RNF220: variants seen among roughly 807,000 people sequenced by gnomAD.
RNF220 encodes the protein E3 ubiquitin-protein ligase RNF220.
A neutral mutation model predicts 67.1 loss-of-function variants in RNF220; 7 were observed. The observed-to-expected ratio is 0.10, with a 90% CI of 0.06 to 0.20. RNF220 has a LOEUF of 0.20. Ranked by LOEUF, RNF220 falls within the 10% of genes least tolerant of loss-of-function variation. RNF220 has a pLI of 1.00. For synonymous variants in RNF220, 270 were observed against 283.2 expected (o/e 0.95, Z 0.47); for missense variants, 565 against 740.3 (o/e 0.76, Z 2.75).
At chr1:44,457,304 A>G (rs1483735902) in intron 2 of RNF220, among the ~76,000 whole-genome samples, 2 of 152,216 alleles carry the variant, frequency 1.3e-5, no homozygotes, top group African/African-American at 4.8e-5. Flanking sequence ...TATATATTAT[A>G]GAAATATATT....
chr1:44,512,712 G>A (rs751021235), intron 2 of RNF220, among the ~76,000 whole-genome samples: 2 of 152,202 alleles, frequency 1.3e-5, no homozygotes, highest in African/African-American at 2.4e-5. Context: ...CGACGGAGGC[G>A]GCAGGAGTGG....
chr1:44,618,377 A>G (rs1031305951), intron 3 of RNF220, among the ~76,000 whole-genome samples: 1 of 152,252 alleles, frequency 6.6e-6, no homozygotes, highest in Non-Finnish European at 1.5e-5. Flanking sequence ...TCCCACAGGT[A>G]CATGGGTGCA....
At chr1:44,561,364 G>T (rs892591403) in intron 2 of RNF220, among the ~76,000 whole-genome samples, 14 of 152,294 alleles carry the variant, frequency 9.2e-5, no homozygotes, top group Middle Eastern at 3.4e-3. Flanking sequence ...ACAAAAATTA[G>T]CTGGGCATGG....
At chr1:44,497,309 C>G (rs530960208) in intron 2 of RNF220, among the ~76,000 whole-genome samples, 7 of 149,166 alleles carry the variant, frequency 4.7e-5, no homozygotes, top group Non-Finnish European at 1.0e-4. Flanking sequence ...GTTCTTGGCA[C>G]GTATCTATAT....
At chr1:44,500,408 A>G (rs2148079412) in intron 2 of RNF220, among the ~76,000 whole-genome samples, 1 of 151,916 alleles carries the variant, frequency 6.6e-6, no homozygotes, top group East Asian at 1.9e-4. Flanking sequence ...CCCGCATCTC[A>G]CATACTCCCC....
chr1:44,502,192 T>A (rs1657991186), intron 2 of RNF220, among the ~76,000 whole-genome samples: 1 of 147,360 alleles, frequency 6.8e-6, no homozygotes, highest in Admixed American at 6.7e-5. Context: ...CCATACACGC[T>A]CACACACACA....
intron 2 of RNF220, among the ~76,000 whole-genome samples, chr1:44,491,510 T>C (rs1434568902): frequency 6.6e-6 from 1 of 152,082 alleles, no homozygotes; most frequent in Non-Finnish European, 1.5e-5. Flanking sequence ...ATCATCTCAA[T>C]AGATGCAAAA....
At chr1:44,525,174 C>A (rs1007856863) in intron 2 of RNF220, among the ~76,000 whole-genome samples, 1 of 152,150 alleles carries the variant, frequency 6.6e-6, no homozygotes, top group Non-Finnish European at 1.5e-5. Context: ...GCCTATTTAT[C>A]TCTGGGGAAA....
chr1:44,529,896 CA>C (rs57715737), intron 2 of RNF220, among the ~76,000 whole-genome samples: 1 of 150,864 alleles, frequency 6.6e-6, no homozygotes, highest in Non-Finnish European at 1.5e-5. Context: ...ACTAAAAATA[CA>C]AAAAAAATTA....
intron 2 of RNF220, among the ~76,000 whole-genome samples, chr1:44,520,201 G>A (rs1172901865): frequency 6.6e-6 from 1 of 151,464 alleles, no homozygotes; most frequent in Non-Finnish European, 1.5e-5. Context: ...GGTGGCTCAC[G>A]CCTGTAATCC....
chr1:44,616,234 T>C (rs1643540019), intron 3 of RNF220, among the ~76,000 whole-genome samples: 1 of 152,210 alleles, frequency 6.6e-6, no homozygotes, highest in Non-Finnish European at 1.5e-5. Context: ...TAGGAGCAAG[T>C]TGTCAAGTCC....
intron 5 of RNF220, among the ~76,000 whole-genome samples, chr1:44,631,525 C>A (rs1644120373): frequency 6.6e-6 from 1 of 152,230 alleles, no homozygotes; most frequent in Non-Finnish European, 1.5e-5. Context: ...TATGCAGTGC[C>A]TATGGGAGCT....
chr1:44,602,935 C>T (rs572781198), intron 2 of RNF220, among the ~76,000 whole-genome samples: 9 of 152,110 alleles, frequency 5.9e-5, no homozygotes, highest in African/African-American at 1.4e-4. Flanking sequence ...TGTCACCGCC[C>T]GGCTGCCTGC....
At chr1:44,492,241 A>G (rs1276335355) in intron 2 of RNF220, among the ~76,000 whole-genome samples, 1 of 152,226 alleles carries the variant, frequency 6.6e-6, no homozygotes, top group African/African-American at 2.4e-5. Context: ...ATTAGGATGT[A>G]TATAATCAAA....
At chr1:44,564,643 C>T (rs1050980395) in intron 2 of RNF220, among the ~76,000 whole-genome samples, 5 of 151,050 alleles carry the variant, frequency 3.3e-5, no homozygotes, top group African/African-American at 1.2e-4. Context: ...ATGCCAGCTA[C>T]TTGGGAGGCT....
At chr1:44,619,595 T>C (rs1643707811) in intron 3 of RNF220, among the ~76,000 whole-genome samples, 2 of 152,170 alleles carry the variant, frequency 1.3e-5, no homozygotes, top group Non-Finnish European at 2.9e-5. Context: ...AGCCCATGAA[T>C]ATTGTACTTA....
intron 2 of RNF220, among the ~76,000 whole-genome samples, chr1:44,418,454 T>TC (rs1199884063): frequency 6.6e-6 from 1 of 152,164 alleles, no homozygotes; most frequent in Non-Finnish European, 1.5e-5. Context: ...CAGGGCTCCG[T>TC]CCTTCGGCGG....
At chr1:44,492,901 T>A (rs1018617647) in intron 2 of RNF220, among the ~76,000 whole-genome samples, 1 of 152,010 alleles carries the variant, frequency 6.6e-6, no homozygotes, top group South Asian at 2.1e-4. Flanking sequence ...ATCCAAAATC[T>A]GAAATGCTCC....
intron 2 of RNF220, among the ~76,000 whole-genome samples, chr1:44,551,605 G>T (rs1662643221): frequency 1.3e-5 from 2 of 152,110 alleles, no homozygotes; most frequent in South Asian, 4.2e-4. Context: ...CATCATCAAT[G>T]AATGATTATA....
Sources: allele counts gnomAD v4.1 joint callset (sites outside exome capture counted in the v4.1 genomes callset), GRCh38; gene constraint gnomAD v4.1.1; transcripts MANE v1.5; gene names NCBI Gene and HGNC (gene_info 2026-07-23, HGNC 2026-07-21).